Variants in GCH1 observed in about 807,000 individuals in gnomAD.
The protein encoded by GCH1 is GTP cyclohydrolase 1.
A neutral mutation model predicts 25.9 loss-of-function variants in GCH1; 5 were observed. The observed-to-expected ratio is 0.19, with a 90% CI of 0.10 to 0.41. The LOEUF is 0.41. Ranked by LOEUF, GCH1 falls within the 10% of genes least tolerant of loss-of-function variation. The pLI is 1.00. For missense variants in GCH1, 261 were observed against 336.5 expected (o/e 0.78, Z 1.75); for synonymous variants, 159 against 129.6 (o/e 1.23, Z -1.54).
intron 1 of GCH1, among the ~76,000 whole-genome samples, chr14:54,870,261 G>A (rs775728445): frequency 1.3e-5 from 2 of 150,404 alleles, no homozygotes; most frequent in Admixed American, 6.7e-5. Context: ...ACTTTGGGAG[G>A]CGAAGGTGAG....
intron 1 of GCH1, among the ~76,000 whole-genome samples, chr14:54,869,666 G>A (rs1009095310): frequency 2.6e-5 from 4 of 152,046 alleles, no homozygotes; most frequent in African/African-American, 2.4e-5. Flanking sequence ...TTTTAGTAGG[G>A]ATCGGGTTTC....
chr14:54,875,270 A>G (rs1484579826), intron 1 of GCH1, among the ~76,000 whole-genome samples: 1 of 152,242 alleles, frequency 6.6e-6, no homozygotes, highest in Non-Finnish European at 1.5e-5. Flanking sequence ...GGCCAGCCAT[A>G]TGTAGAAAGC....
chr14:54,850,628 T>A (rs145910844), intron 3 of GCH1, among the ~76,000 whole-genome samples: 107 of 152,248 alleles, frequency 7.0e-4, no homozygotes, highest in African/African-American at 1.9e-3. Flanking sequence ...CCTAATGCTA[T>A]CCCTCCCTGC....
intron 1 of GCH1, among the ~76,000 whole-genome samples, chr14:54,882,033 C>A (rs1334349973): frequency 6.6e-6 from 1 of 152,184 alleles, no homozygotes; most frequent in Non-Finnish European, 1.5e-5. Flanking sequence ...CTCATTACAA[C>A]AGTAATATTC....
At chr14:54,875,810 C>A (rs1021074570) in intron 1 of GCH1, among the ~76,000 whole-genome samples, 2 of 152,178 alleles carry the variant, frequency 1.3e-5, no homozygotes, top group African/African-American at 4.8e-5. Flanking sequence ...CCATCTTACA[C>A]CAGTTAGAAT....
chr14:54,844,213 C>G (rs2039606570), intron 5 of GCH1, 70 bp from the exon 6 acceptor site: 1 of 989,498 alleles, frequency 1.0e-6, no homozygotes, highest in East Asian at 2.4e-5. Flanking sequence ...AAAAGCAGGC[C>G]TAAAGATTAA....
chr14:54,843,793 T>C lies in GCH1; in HGVS notation c.*224A>G. The C allele has an allele frequency of 6.2e-7, 1 of 1,614,064 alleles. No homozygotes were observed. Among genetic ancestry groups the C allele is most frequent in the Non-Finnish European group, 8.5e-7 (1 of 1,179,914 alleles). On this transcript the variant is annotated 3_prime_UTR_variant, in exon 6 of 6. Transcript: ENST00000491895. The stretch of plus-strand genomic sequence containing the variant: ...GTGCACGTACTTACACTATTAGCAG[T>C]TCACTTTAATATTGCCACAAAAAGG...
chr14:54,898,363 G>C (rs1256480900), intron 1 of GCH1, among the ~76,000 whole-genome samples: 1 of 152,154 alleles, frequency 6.6e-6, no homozygotes. Context: ...GTTGCTCTGG[G>C]TGAGTCAGTG....
intron 1 of GCH1, among the ~76,000 whole-genome samples, chr14:54,900,154 C>T (rs111269288): frequency 1.4e-5 from 2 of 146,476 alleles, no homozygotes; most frequent in African/African-American, 2.5e-5. Flanking sequence ...TGTGAGCCAC[C>T]GCGCCCGGCC....
rs147933738 is a variant in GCH1, at chr14:54,889,293, C to T, written c.343+13028G>A. 2.8e-3 allele frequency among the ~76,000 whole-genome samples: 421 copies of T among 152,312 alleles called. 2 individuals carry two copies. Among genetic ancestry groups the T allele is most frequent in the African/African-American group, 9.4e-3 (389 of 41,574 alleles). The stretch of plus-strand genomic sequence containing the variant: ...AGGCCTCTCATCTGATCTCCAGGCA[C>T]GCATAGCCCTTCCTCACTGCTAACG... On this transcript the variant is annotated intron_variant, in intron 1 of 5. Coordinates refer to ENST00000491895, the MANE Select transcript of GCH1 (RefSeq NM_000161.3).
chr14:54,902,718 G>A lies in GCH1; in HGVS notation c.-55C>T, dbSNP rs2040589512. ...AGGACCCCGGGGCGCTTCGAGGTCT[G>A]CGGCTAAACTCCGCCGGTGGCCGCG... On this transcript the variant is annotated 5_prime_UTR_variant, in exon 1 of 6. Coordinates refer to ENST00000491895, the MANE Select transcript of GCH1 (RefSeq NM_000161.3). 7.2e-6 allele frequency: 10 copies of A among 1,397,876 alleles called. No homozygotes were observed. The highest frequency in any genetic ancestry group is 1.6e-5 in the South Asian group (1 of 63,838). 86.6% of individuals were successfully genotyped at this position (1,397,876 alleles called of 1,614,324 possible).
intron 1 of GCH1, among the ~76,000 whole-genome samples, chr14:54,875,482 TTAAAC>T (rs2040144989): frequency 6.6e-6 from 1 of 152,168 alleles, no homozygotes; most frequent in Non-Finnish European, 1.5e-5. Context: ...AGGGATCTAA[TTAAAC>T]TAAAGAGCTT....
chr14:54,843,340 C>G lies in GCH1; in HGVS notation c.*677G>C. 1 of 1,291,392 alleles carries G rather than the reference C, an allele frequency of 7.7e-7. No homozygotes were observed. The highest frequency in any genetic ancestry group is 9.8e-7 in the Non-Finnish European group (1 of 1,021,846). 80.0% of individuals were successfully genotyped at this position (1,291,392 alleles called of 1,614,324 possible). On this transcript the variant is annotated 3_prime_UTR_variant, in exon 6 of 6. Transcript: ENST00000491895. The stretch of plus-strand genomic sequence containing the variant: ...ATGTCTAAATCCCTGTATGTTGACA[C>G]GAGAATACACTCGTAAACAACACCA...
chr14:54,867,621 G>A (rs1011321114), intron 1 of GCH1, among the ~76,000 whole-genome samples: 2 of 136,028 alleles, frequency 1.5e-5, no homozygotes, highest in Non-Finnish European at 3.1e-5. Context: ...AAAAGATCTG[G>A]CTCCATCACT....
intron 2 of GCH1, among the ~76,000 whole-genome samples, chr14:54,862,361 C>T (rs182648542): frequency 5.3e-5 from 8 of 149,902 alleles, no homozygotes; most frequent in African/African-American, 2.0e-4. Flanking sequence ...GTCTTCAGCA[C>T]CCTTATGAAG....
chr14:54,883,329 G>A (rs530175726), intron 1 of GCH1, among the ~76,000 whole-genome samples: 3 of 140,026 alleles, frequency 2.1e-5, no homozygotes, highest in Non-Finnish European at 4.5e-5. Context: ...CAGAGATTGC[G>A]CCGCTGCGCT....
At chr14:54,848,136 CTTTT>C (rs376044763) in intron 3 of GCH1, among the ~76,000 whole-genome samples, 4 of 137,342 alleles carry the variant, frequency 2.9e-5, no homozygotes, top group Non-Finnish European at 1.6e-5. Context: ...AAATTTTCCT[CTTTT>C]TTTTTTTTTT....
chr14:54,855,247 C>T (rs566543641), intron 3 of GCH1, among the ~76,000 whole-genome samples: 20 of 152,072 alleles, frequency 1.3e-4, no homozygotes, highest in Non-Finnish European at 2.8e-4. Context: ...GGCTCACTCC[C>T]GTAATCCCAG....
intron 3 of GCH1, among the ~76,000 whole-genome samples, chr14:54,850,029 C>A (rs914537427): frequency 7.9e-5 from 12 of 152,074 alleles, no homozygotes; most frequent in African/African-American, 2.9e-4. Context: ...GGCTGGAGTG[C>A]AGCAGCACAA....
Sources: gnomAD v4.1 joint callset for allele counts (sites outside exome capture counted in the v4.1 genomes callset) on GRCh38, gnomAD v4.1.1 for gene constraint, MANE v1.5 for transcripts, NCBI Gene and HGNC (gene_info 2026-07-23, HGNC 2026-07-21) for gene names.